SLX4IP: variants seen among roughly 807,000 people sequenced by gnomAD.
The protein encoded by SLX4IP is protein SLX4IP.
A neutral mutation model predicts 32.9 loss-of-function variants in SLX4IP; 34 were observed. That is an observed-to-expected ratio of 1.03 (90% CI 0.79 to 1.38). The LOEUF (loss-of-function observed/expected upper bound fraction) is 1.38. Among genes scored for constraint, SLX4IP ranks in the 40% most tolerant of loss-of-function variants. The probability of loss-of-function intolerance (pLI) is 0.00; values close to 1 mark genes in which losing one functional copy is unlikely to be tolerated. For synonymous variants in SLX4IP, 172 were observed against 171.7 expected, an observed-to-expected ratio of 1.00 and a Z score of -0.01; for missense variants, 444 against 479.0, an observed-to-expected ratio of 0.93 and a Z score of 0.68.
intron 2 of SLX4IP, among the ~76,000 whole-genome samples, chr20:10,474,012 G>A (rs1454295602): frequency 1.3e-5 from 2 of 152,046 alleles, no homozygotes; most frequent in African/African-American, 4.8e-5. Flanking sequence ...TAGTAGAGAT[G>A]GGATTTCACC....
At chr20:10,534,560 A>C (rs1292845913) in intron 2 of SLX4IP, among the ~76,000 whole-genome samples, 1 of 152,140 alleles carries the variant, frequency 6.6e-6, no homozygotes, top group African/African-American at 2.4e-5. Flanking sequence ...GCCTAGGGGA[A>C]GGTGGGGTAG....
chr20:10,522,962 G>A (rs866112901), intron 2 of SLX4IP, among the ~76,000 whole-genome samples: 3 of 152,154 alleles, frequency 2.0e-5, no homozygotes, highest in Admixed American at 6.5e-5. Context: ...ACTGTGTTAA[G>A]TTCTCTCTAA....
At chr20:10,581,111 A>C (rs796457559) in intron 4 of SLX4IP, among the ~76,000 whole-genome samples, 20 of 152,070 alleles carry the variant, frequency 1.3e-4, no homozygotes, top group African/African-American at 4.8e-4. Context: ...GACTTGCTCT[A>C]ATGCATGGGG....
intron 2 of SLX4IP, among the ~76,000 whole-genome samples, chr20:10,518,583 T>C (rs1460143496): frequency 6.6e-6 from 1 of 150,678 alleles, no homozygotes; most frequent in Non-Finnish European, 1.5e-5. Flanking sequence ...TTCTTTCTTT[T>C]TTTCTTTTTT....
At chr20:10,612,994 G>C (rs536569826) in intron 6 of SLX4IP, 1 of 197,488 alleles carries the variant, frequency 5.1e-6, no homozygotes, top group Non-Finnish European at 1.0e-5. Flanking sequence ...AGATCATTAA[G>C]ACCAAATGTA....
chr20:10,577,736 A>G, intron 4 of SLX4IP, among the ~76,000 whole-genome samples: 1 of 152,198 alleles, frequency 6.6e-6, no homozygotes, highest in East Asian at 1.9e-4. Context: ...TGATAATAAG[A>G]AATGAATGAA....
intron 2 of SLX4IP, among the ~76,000 whole-genome samples, chr20:10,493,870 T>TTC (rs2065646055): frequency 7.0e-6 from 1 of 143,034 alleles, no homozygotes; most frequent in African/African-American, 2.6e-5. Context: ...TTTTTTTTTT[T>TTC]TTTTTTTTTT....
At chr20:10,529,386 T>C (rs598587) in intron 2 of SLX4IP, among the ~76,000 whole-genome samples, 89,484 of 151,516 alleles carry the variant, frequency 0.59, 26,810 homozygotes, top group South Asian at 0.75. Flanking sequence ...GTCAGGAGTC[T>C]GAAATTAGCC....
chr20:10,570,735 G>A (rs575506457), intron 4 of SLX4IP, among the ~76,000 whole-genome samples: 1 of 151,904 alleles, frequency 6.6e-6, no homozygotes, highest in African/African-American at 2.4e-5. Context: ...CGCCATGTTG[G>A]TCAGGCTGGT....
intron 2 of SLX4IP, among the ~76,000 whole-genome samples, chr20:10,526,647 C>G (rs1395912552): frequency 6.6e-6 from 1 of 152,202 alleles, no homozygotes; most frequent in Non-Finnish European, 1.5e-5. Flanking sequence ...CTCTCTCTCT[C>G]TCTTTAAGAG....
intron 2 of SLX4IP, among the ~76,000 whole-genome samples, chr20:10,474,256 T>C (rs1324424511): frequency 2.6e-5 from 4 of 152,224 alleles, no homozygotes; most frequent in Non-Finnish European, 5.9e-5. Flanking sequence ...TAAAAGCTTA[T>C]GAATGGTGTG....
At chr20:10,618,326 G>T (rs774933350) in intron 6 of SLX4IP, among the ~76,000 whole-genome samples, 5 of 152,154 alleles carry the variant, frequency 3.3e-5, no homozygotes, top group Non-Finnish European at 7.4e-5. Flanking sequence ...TTTCTGTTTG[G>T]TTTTGCCCTA....
chr20:10,542,106 A>G (rs767982562), intron 2 of SLX4IP, among the ~76,000 whole-genome samples: 2 of 152,246 alleles, frequency 1.3e-5, no homozygotes, highest in Non-Finnish European at 2.9e-5. Flanking sequence ...ACAAGCCAGC[A>G]GTCAATCCTT....
chr20:10,458,833 G>A (rs1156664825), intron 2 of SLX4IP, among the ~76,000 whole-genome samples: 1 of 152,100 alleles, frequency 6.6e-6, no homozygotes, highest in African/African-American at 2.4e-5. Context: ...ACGCATGCAT[G>A]TTTCTTTATA....
chr20:10,597,990 A>T lies in SLX4IP; in HGVS notation c.239-685A>T, dbSNP rs1440828812. Among the ~76,000 whole-genome samples the T allele has an allele frequency of 2.0e-5, 3 of 152,372 alleles. No homozygotes were observed. In the East Asian group the frequency reaches 5.8e-4, roughly 29 times the overall value. On this transcript the variant is annotated intron_variant, in intron 4 of 7. Transcript: ENST00000334534. ...ATTAATTTATTTACAGGCAAAATAC[A>T]TCCATGTTCAAATAGGTATGAACTG...
At chr20:10,515,079 C>CTTTTTTTT (rs35576843) in intron 2 of SLX4IP, among the ~76,000 whole-genome samples, 6 of 82,890 alleles carry the variant, frequency 7.2e-5, no homozygotes, top group Middle Eastern at 0.011. Flanking sequence ...TAAGTTGAAG[C>CTTTTTTTT]TTTTTTTTTT....
chr20:10,550,511 C>G (rs967899620), intron 2 of SLX4IP, among the ~76,000 whole-genome samples: 7 of 152,116 alleles, frequency 4.6e-5, no homozygotes, highest in African/African-American at 1.7e-4. Flanking sequence ...CTCGAGATCA[C>G]CTTGCTTGAT....
At chr20:10,535,579 C>T (rs1308132627) in intron 2 of SLX4IP, among the ~76,000 whole-genome samples, 1 of 152,160 alleles carries the variant, frequency 6.6e-6, no homozygotes, top group Non-Finnish European at 1.5e-5. Flanking sequence ...CCTCGGCCTC[C>T]CAAAGTACTG....
intron 2 of SLX4IP, among the ~76,000 whole-genome samples, chr20:10,488,194 A>T (rs2065590785): frequency 6.6e-6 from 1 of 152,204 alleles, no homozygotes; most frequent in South Asian, 2.1e-4. Context: ...CCTTATTTGG[A>T]AACAGAGTCT....
Sources: gnomAD v4.1 joint callset for allele counts (sites outside exome capture counted in the v4.1 genomes callset) on GRCh38, gnomAD v4.1.1 for gene constraint, MANE v1.5 for transcripts, NCBI Gene and HGNC (gene_info 2026-07-23, HGNC 2026-07-21) for gene names.